Variants in F11R observed in about 807,000 individuals in gnomAD.
F11R encodes the protein F11 receptor.
In F11R, 27 loss-of-function variants were observed where a neutral mutation model predicts 39.3. The observed-to-expected ratio is 0.69, with a 90% confidence interval of 0.51 to 0.95. The LOEUF (loss-of-function observed/expected upper bound fraction) is 0.95, where lower values mean the gene tolerates loss of function less well. F11R is among the 40% of genes least tolerant of loss of function. The pLI, the probability that F11R is intolerant of heterozygous loss-of-function variation, is 0.00. For missense variants in F11R, 335 were observed against 372.7 expected (o/e 0.90, Z 0.83); for synonymous variants, 131 against 144.9 (o/e 0.90, Z 0.69).
chr1:161,020,313 CT>C (rs1649690382), intron 1 of F11R, among the ~76,000 whole-genome samples: 1 of 152,206 alleles, frequency 6.6e-6, no homozygotes, highest in African/African-American at 2.4e-5. Context: ...CACTCTCCCC[CT>C]GGGAAGAGTC....
intron 1 of F11R, among the ~76,000 whole-genome samples, chr1:161,013,162 A>G (rs1295230533): frequency 2.0e-5 from 3 of 149,614 alleles, no homozygotes; most frequent in Non-Finnish European, 3.0e-5. Context: ...AAAGAGGAGG[A>G]GGGGGAAAAG....
chr1:161,003,824 G>A (rs1246856696), intron 1 of F11R, among the ~76,000 whole-genome samples: 1 of 151,976 alleles, frequency 6.6e-6, no homozygotes, highest in African/African-American at 2.4e-5. Context: ...GAGTGCAGTG[G>A]CGCAATCTAG....
chr1:161,010,443 A>AAAAAAAAAAAAAC (rs1649083232), intron 1 of F11R, among the ~76,000 whole-genome samples: 7 of 146,818 alleles, frequency 4.8e-5, no homozygotes, highest in Admixed American at 3.4e-4. Context: ...GACTCCATCA[A>AAAAAAAAAAAAAC]AAAAAAAAAA....
At chr1:161,011,059 G>T (rs1024143386) in intron 1 of F11R, among the ~76,000 whole-genome samples, 1 of 150,434 alleles carries the variant, frequency 6.6e-6, no homozygotes, top group African/African-American at 2.4e-5. Flanking sequence ...TGGAAACTGA[G>T]TCTTGCTCTG....
At chr1:161,011,809 C>G (rs1020793805) in intron 1 of F11R, among the ~76,000 whole-genome samples, 2 of 151,880 alleles carry the variant, frequency 1.3e-5, no homozygotes, top group South Asian at 2.1e-4. Flanking sequence ...AATGAAACAC[C>G]AGTAATAAGT....
Position 161,000,693 on chromosome 1 carries a change from C to T in F11R, c.326G>A (p.Cys109Tyr), listed in dbSNP as rs1182851859. The part of the protein sequence containing the change: ...VTREDTGTYT[C>Y]MVSEEGGNSY... ...GTTGCCGCCTTCCTCAGAGACCATA[C>T]AAGTGTATGTCCCAGTGTCTTCCCG... The change falls in exon 4 of 10, where the codon TGT becomes TAT. Residue 109 changes from cysteine (C) to tyrosine (Y), a missense_variant. Transcript: ENST00000368026. 1 of 1,614,206 alleles carries T rather than the reference C, an allele frequency of 6.2e-7. No homozygotes were observed. The highest frequency in any genetic ancestry group is 1.6e-4 in the Middle Eastern group (1 of 6,062).
Position 161,000,797 on chromosome 1 carries a change from G to A in F11R, c.242-20C>T, listed in dbSNP as rs1160836572. On this transcript the variant is annotated intron_variant, in intron 3 of 9. Coordinates refer to ENST00000368026, the MANE Select transcript of F11R (RefSeq NM_016946.6). ...AGGAAGCTACCACAAGAGGAGGCAA[G>A]AGCAAGGACAGAGTGAACTGGAGAG... is the stretch of plus-strand genomic sequence containing the variant. 1 of 1,614,076 alleles carries A rather than the reference G, an allele frequency of 6.2e-7. No homozygotes were observed.
At position 161,010,446 on chromosome 1, in the gene F11R, A is replaced by AAAAAAAAAC. The variant is rs1553210828; in HGVS notation, c.65-9094_65-9093insGTTTTTTTT. On this transcript the variant is annotated intron_variant, in intron 1 of 9. Coordinates refer to ENST00000368026, the MANE Select transcript of F11R (RefSeq NM_016946.6). ...GTGACAGAGCGAGACTCCATCAAAA[A>AAAAAAAAAC]AAAAAAAAAAACAGTTGATCCAAAC... Among the ~76,000 whole-genome samples the AAAAAAAAAC allele has an allele frequency of 9.9e-5, 15 of 151,276 alleles. 1 individual carries two copies. The East Asian group carries it at 2.5e-3, about 25-fold the overall frequency.
chr1:160,998,480 C>T lies in F11R; in HGVS notation c.*391G>A, dbSNP rs1461388755. On this transcript the variant is annotated 3_prime_UTR_variant, in exon 10 of 10. Coordinates refer to ENST00000368026, the MANE Select transcript of F11R (RefSeq NM_016946.6). The stretch of plus-strand genomic sequence containing the variant: ...GTCGTCAGTACACAAGGAAAGAGCC[C>T]AGAACCAAGCTCAAGATACCTATTC... The T allele has an allele frequency of 8.7e-6, 3 of 343,870 alleles. No individual in the cohort carries two copies. The highest frequency in any genetic ancestry group is 1.6e-5 in the Non-Finnish European group (3 of 186,512). 21.3% of individuals were successfully genotyped at this position (343,870 alleles called of 1,614,324 possible).
chr1:161,021,149 G>T lies in F11R; in HGVS notation c.-76C>A. ...CACAGCTCCGCGACTACAGCGAGGGGACTGAGAGCCAGCCGCCAGGTGGAA... is the reference window on the plus strand; with the variant it reads ...CACAGCTCCGCGACTACAGCGAGGGTACTGAGAGCCAGCCGCCAGGTGGAA... On this transcript the variant is annotated 5_prime_UTR_variant, in exon 1 of 10. Transcript: ENST00000368026. 1 of 1,405,414 alleles carries T rather than the reference G, an allele frequency of 7.1e-7. No homozygotes were observed. Among genetic ancestry groups the T allele is most frequent in the South Asian group, 1.2e-5 (1 of 85,806 alleles). The allele number at this position is 1,405,414 out of a possible 1,614,324, so 87.1% of individuals were successfully genotyped here. A position where few individuals can be genotyped will look rare whatever the true frequency, so the allele number is the denominator to read the frequency against.
At chr1:161,014,746 C>T (rs1031115910) in intron 1 of F11R, among the ~76,000 whole-genome samples, 1 of 151,586 alleles carries the variant, frequency 6.6e-6, no homozygotes, top group Non-Finnish European at 1.5e-5. Context: ...TCAAGACCAG[C>T]TTGGCCAACA....
intron 1 of F11R, among the ~76,000 whole-genome samples, chr1:161,015,354 C>T (rs1317626057): frequency 6.7e-6 from 1 of 149,106 alleles, no homozygotes; most frequent in Non-Finnish European, 1.5e-5. Context: ...GCCGAGATTG[C>T]TCCAGTGCAC....
intron 1 of F11R, among the ~76,000 whole-genome samples, chr1:161,013,897 T>A (rs894707127): frequency 5.3e-5 from 8 of 152,148 alleles, no homozygotes; most frequent in Non-Finnish European, 8.8e-5. Context: ...AGGACTTACT[T>A]CAGGGGCCCA....
chr1:161,005,864 T>C (rs565090247), intron 1 of F11R, among the ~76,000 whole-genome samples: 1 of 152,018 alleles, frequency 6.6e-6, no homozygotes, highest in East Asian at 2.0e-4. Flanking sequence ...AGGCTGGGCA[T>C]GGCAGCTCAA....
intron 1 of F11R, among the ~76,000 whole-genome samples, chr1:161,013,325 G>A (rs1378541548): frequency 6.6e-6 from 1 of 152,158 alleles, no homozygotes; most frequent in Non-Finnish European, 1.5e-5. Flanking sequence ...CACCCCACCA[G>A]CTACAGCATA....
intron 1 of F11R, chr1:161,002,715 C>CTCTGA (rs1491218975): frequency 1.3e-5 from 2 of 152,118 alleles, no homozygotes; most frequent in African/African-American, 4.8e-5. Flanking sequence ...GTCTCTTGAC[C>CTCTGA]TCTGAGACTC....
intron 1 of F11R, among the ~76,000 whole-genome samples, chr1:161,011,860 C>T (rs959473198): frequency 1.4e-4 from 21 of 151,932 alleles, no homozygotes; most frequent in Non-Finnish European, 2.4e-4. Flanking sequence ...ATTTTATTTT[C>T]TCCATAGTCC....
At chr1:161,012,389 A>C (rs970831610) in intron 1 of F11R, among the ~76,000 whole-genome samples, 1 of 152,186 alleles carries the variant, frequency 6.6e-6, no homozygotes, top group Non-Finnish European at 1.5e-5. Flanking sequence ...TGGGAGAATC[A>C]CTTGAGCCCA....
chr1:161,007,308 A>C (rs183819409), intron 1 of F11R, among the ~76,000 whole-genome samples: 41 of 151,662 alleles, frequency 2.7e-4, no homozygotes, highest in African/African-American at 9.7e-4. Context: ...TCTACTAAAA[A>C]TACAAAATTA....
Sources: gnomAD v4.1 joint callset for allele counts (sites outside exome capture counted in the v4.1 genomes callset) on GRCh38, gnomAD v4.1.1 for gene constraint, MANE v1.5 for transcripts, NCBI Gene and HGNC (gene_info 2026-07-23, HGNC 2026-07-21) for gene names.